NBEA: variants seen among roughly 807,000 people sequenced by gnomAD.
NBEA encodes neurobeachin, also known as lysosomal-trafficking regulator 2.
NBEA carries 44 observed loss-of-function variants against 343.4 expected under a neutral mutation model. The observed-to-expected ratio is 0.13, with a 90% CI of 0.10 to 0.16. NBEA has a LOEUF of 0.16. Among genes scored for constraint, NBEA ranks in the 10% least tolerant of loss-of-function variants. The probability of loss-of-function intolerance (pLI) is 1.00; values close to 1 mark genes in which losing one functional copy is unlikely to be tolerated. For missense variants in NBEA, 2,555 were observed against 3,631.3 expected (o/e 0.70, Z 7.62); for synonymous variants, 1,175 against 1,238.7 (o/e 0.95, Z 1.08).
intron 34 of NBEA, among the ~76,000 whole-genome samples, chr13:35,260,625 T>G (rs1157761729): frequency 6.6e-6 from 1 of 152,206 alleles, no homozygotes. Context: ...AGAGGAAGCA[T>G]CACAGTAAAA....
At chr13:35,184,494 C>T (rs901903542) in intron 30 of NBEA, among the ~76,000 whole-genome samples, 1 of 151,658 alleles carries the variant, frequency 6.6e-6, no homozygotes, top group Non-Finnish European at 1.5e-5. Flanking sequence ...TAAAGGAATG[C>T]GAAAAGTCCA....
intron 11 of NBEA, among the ~76,000 whole-genome samples, chr13:35,102,741 T>C (rs2065707555): frequency 6.6e-6 from 1 of 151,928 alleles, no homozygotes; most frequent in Admixed American, 6.6e-5. Context: ...AACTTTTATA[T>C]ACCAGTCTTT....
intron 47 of NBEA, among the ~76,000 whole-genome samples, chr13:35,601,393 A>G (rs1333847398): frequency 1.3e-5 from 2 of 152,198 alleles, no homozygotes; most frequent in African/African-American, 4.8e-5. Context: ...ATGATGGGAC[A>G]TGCAAGCATA....
chr13:35,232,052 A>G (rs976942656), intron 33 of NBEA, among the ~76,000 whole-genome samples: 1 of 152,156 alleles, frequency 6.6e-6, no homozygotes, highest in South Asian at 2.1e-4. Context: ...TATTACAACG[A>G]ATTTCAGTTA....
chr13:35,591,735 A>T (rs914653262), intron 46 of NBEA, among the ~76,000 whole-genome samples: 2 of 152,076 alleles, frequency 1.3e-5, no homozygotes, highest in Middle Eastern at 3.2e-3. Flanking sequence ...CCAGCCCTTA[A>T]GGTTAGTGGC....
At chr13:35,275,302 G>A (rs1427567092) in intron 34 of NBEA, among the ~76,000 whole-genome samples, 1 of 152,162 alleles carries the variant, frequency 6.6e-6, no homozygotes, top group African/African-American at 2.4e-5. Context: ...CTAGCCATAT[G>A]TAGAAAGCTG....
At chr13:35,397,784 T>TTAAAC (rs1315616599) in intron 38 of NBEA, among the ~76,000 whole-genome samples, 1 of 152,192 alleles carries the variant, frequency 6.6e-6, no homozygotes, top group Non-Finnish European at 1.5e-5. Context: ...AATTTAAAAA[T>TTAAAC]ACTTTATTGC....
chr13:35,020,977 T>C (rs2061818464), intron 1 of NBEA, among the ~76,000 whole-genome samples: 1 of 152,212 alleles, frequency 6.6e-6, no homozygotes, highest in Admixed American at 6.5e-5. Flanking sequence ...AAGCTATTAT[T>C]AGATGCATTC....
At chr13:35,151,715 A>T (rs2083020358) in intron 18 of NBEA, among the ~76,000 whole-genome samples, 1 of 152,198 alleles carries the variant, frequency 6.6e-6, no homozygotes, top group East Asian at 1.9e-4. Flanking sequence ...ATTCTGTAGG[A>T]TATATACTAA....
intron 54 of NBEA, 57 bp from the exon 55 acceptor site, chr13:35,655,522 T>A: frequency 6.6e-7 from 1 of 1,524,042 alleles, no homozygotes; most frequent in Non-Finnish European, 9.0e-7. Context: ...AAGTTACACT[T>A]ATTACCATTT....
chr13:35,651,775 T>A, intron 52 of NBEA, 30 bp from the exon 53 acceptor site: 1 of 1,338,782 alleles, frequency 7.5e-7, no homozygotes, highest in Non-Finnish European at 1.0e-6. Context: ...GAATTTTATG[T>A]TAGTTTTTCT....
chr13:35,276,364 A>T (rs972200163), intron 34 of NBEA, among the ~76,000 whole-genome samples: 1 of 152,184 alleles, frequency 6.6e-6, no homozygotes, highest in Non-Finnish European at 1.5e-5. Flanking sequence ...GATTGTTTTG[A>T]CAAATCAAGA....
rs139258491 is a variant in NBEA at position 35,161,379 on chromosome 13, G to T, written c.3862-371G>T. Among the ~76,000 whole-genome samples the T allele has an allele frequency of 9.1e-4, 138 of 152,246 alleles. 2 individuals carry two copies. The East Asian group carries it at 0.022, about 24-fold the overall frequency. On this transcript the variant is annotated intron_variant, in intron 22 of 58. Coordinates refer to ENST00000379939, the MANE Select transcript of NBEA (RefSeq NM_001385012.1). ...TCTTGTGCTTTAGTTACAATTAGTT[G>T]ATGACATATATCCAGTATACTTCAC...
At chr13:35,319,952 A>G (rs893885511) in intron 36 of NBEA, among the ~76,000 whole-genome samples, 1 of 151,754 alleles carries the variant, frequency 6.6e-6, no homozygotes, top group Non-Finnish European at 1.5e-5. Flanking sequence ...CTTGGTAAAT[A>G]ATCCCCCATC....
intron 36 of NBEA, among the ~76,000 whole-genome samples, chr13:35,321,515 A>G (rs915575132): frequency 2.6e-5 from 4 of 152,030 alleles, no homozygotes; most frequent in African/African-American, 7.2e-5. Context: ...GCTCTCCTGT[A>G]TGAGGTGTCT....
chr13:34,950,407 T>A (rs1173657069), intron 1 of NBEA, among the ~76,000 whole-genome samples: 1 of 152,066 alleles, frequency 6.6e-6, no homozygotes, highest in East Asian at 1.9e-4. Context: ...CAGTTTTATC[T>A]CCAGATGTTT....
chr13:35,290,536 T>A (rs1443840508), intron 35 of NBEA, 86 bp downstream of exon 35: 23 of 857,016 alleles, frequency 2.7e-5, no homozygotes, highest in Non-Finnish European at 4.1e-5. Flanking sequence ...TATATGTGTA[T>A]GTTTATATAT....
At chr13:35,518,143 A>C (rs1009881562) in intron 41 of NBEA, among the ~76,000 whole-genome samples, 1 of 152,110 alleles carries the variant, frequency 6.6e-6, no homozygotes, top group Admixed American at 6.6e-5. Context: ...GCAAGTCCCT[A>C]CCTTCATGAA....
chr13:35,334,424 C>T (rs374183872), intron 36 of NBEA, among the ~76,000 whole-genome samples: 2 of 152,062 alleles, frequency 1.3e-5, no homozygotes. Flanking sequence ...TGCCCACTAC[C>T]ACGCCCAGCT....
Sources: allele counts gnomAD v4.1 joint callset (sites outside exome capture counted in the v4.1 genomes callset), GRCh38; gene constraint gnomAD v4.1.1; transcripts MANE v1.5; gene names NCBI Gene and HGNC (gene_info 2026-07-23, HGNC 2026-07-21).